The following ABCA9 variants were observed in gnomAD, a reference collection of about 807,000 sequenced individuals.
ABCA9 encodes ATP binding cassette subfamily A member 9.
Under a neutral mutation model 205.3 loss-of-function variants are expected in ABCA9, and 183 were observed. The ratio of observed to expected loss-of-function variants is 0.89; its 90% confidence interval spans 0.79 to 1.01. ABCA9 has a LOEUF of 1.01. Among genes scored for constraint, ABCA9 ranks in the 50% least tolerant of loss-of-function variants. The probability of loss-of-function intolerance (pLI) is 0.00; values close to 1 mark genes in which losing one functional copy is unlikely to be tolerated. For synonymous variants in ABCA9, 651 were observed against 683.3 expected (o/e 0.95, Z 0.74); for missense variants, 1,805 against 1,912.4 (o/e 0.94, Z 1.05).
At chr17:69,074,958 G>T in the ABCA9 span, among the ~76,000 whole-genome samples, 2 of 152,054 alleles carry the variant, frequency 1.3e-5, no homozygotes, top group African/African-American at 4.8e-5. Context: ...GTATAATAAG[G>T]TATCTCATTG....
chr17:69,078,294 G>A, the ABCA9 span, among the ~76,000 whole-genome samples: 3 of 149,430 alleles, frequency 2.0e-5, no homozygotes, highest in East Asian at 2.0e-4. Context: ...TCTGCCTCCC[G>A]GGTTCAAGCA....
chr17:69,011,211 A>C (rs1181269422), intron 23 of ABCA9, among the ~76,000 whole-genome samples: 3 of 152,218 alleles, frequency 2.0e-5, no homozygotes, highest in Admixed American at 6.5e-5. Context: ...AGAGTGATTA[A>C]GTAACTTTTG....
chr17:69,010,026 A>C (rs773659946), intron 23 of ABCA9, among the ~76,000 whole-genome samples: 13 of 152,188 alleles, frequency 8.5e-5, no homozygotes, highest in Non-Finnish European at 1.6e-4. Flanking sequence ...GCATCCTAAC[A>C]AAAATAGCTC....
intron 3 of ABCA9, among the ~76,000 whole-genome samples, 196 bp from the exon 4 acceptor site, chr17:69,045,532 G>A (rs2071682168): frequency 6.6e-6 from 1 of 151,606 alleles, no homozygotes; most frequent in East Asian, 1.9e-4. Flanking sequence ...GCAAACATTT[G>A]TATTGCAAAT....
intron 22 of ABCA9, among the ~76,000 whole-genome samples, chr17:69,012,516 TAAAAA>T (rs780704737): frequency 2.7e-5 from 4 of 147,768 alleles, no homozygotes; most frequent in South Asian, 4.3e-4. Flanking sequence ...GGCACTATGT[TAAAAA>T]AAAAAATCAA....
intron 25 of ABCA9, among the ~76,000 whole-genome samples, chr17:69,004,197 AT>A (rs2070013795): frequency 6.6e-6 from 1 of 152,086 alleles, no homozygotes; most frequent in Non-Finnish European, 1.5e-5. Context: ...AGGCGCTCTG[AT>A]TTTTAGAGTT....
In ABCA9 at chr17:69,018,573, C is replaced by A; in HGVS notation, c.2607G>T (p.Leu869Phe). The A allele has an allele frequency of 1.3e-6, 2 of 1,585,654 alleles. No homozygotes were observed. The highest frequency in any genetic ancestry group is 1.7e-6 in the Non-Finnish European group (2 of 1,170,054). ...KERKSLWTIL[L>F]LFGISFIPQL... ...GAGGGATAAAGCTAATACCAAAAAGCAATAATCTATGCAGAGGAAAATGTA... is the reference window on the plus strand; with the variant it reads ...GAGGGATAAAGCTAATACCAAAAAGAAATAATCTATGCAGAGGAAAATGTA... Residue 869 changes from leucine to phenylalanine, a missense_variant, in exon 20 of 39, where the codon TTG (leucine) becomes TTT (phenylalanine). Transcript: ENST00000340001.
chr17:68,985,557 G>T (rs2069204165), intron 32 of ABCA9, among the ~76,000 whole-genome samples: 1 of 152,202 alleles, frequency 6.6e-6, no homozygotes, highest in Non-Finnish European at 1.5e-5. Context: ...GGGAGGTGGA[G>T]GTTGCAGTGA....
At chr17:68,983,682 G>A (rs769463499) in intron 36 of ABCA9, 27 bp downstream of exon 36, 4 of 1,611,250 alleles carry the variant, frequency 2.5e-6, no homozygotes, top group Non-Finnish European at 3.4e-6. Flanking sequence ...ACCAAGGACT[G>A]TGATAAAACA....
At chr17:68,986,453 T>A in intron 31 of ABCA9, 129 bp from the exon 32 acceptor site, 4 of 887,328 alleles carry the variant, frequency 4.5e-6, no homozygotes, top group Non-Finnish European at 6.3e-6. Context: ...TGCAAATCAG[T>A]AATCACTTAA....
At chr17:68,987,356 CAT>C (rs928004329) in intron 31 of ABCA9, among the ~76,000 whole-genome samples, 1 of 152,124 alleles carries the variant, frequency 6.6e-6, no homozygotes, top group African/African-American at 2.4e-5. Flanking sequence ...GAGAAAGAAA[CAT>C]AAAATATAAG....
At position 69,058,997 on chromosome 17, in the gene ABCA9, T is replaced by C. The variant is rs1046403461; in HGVS notation, c.-14+1869A>G. On this transcript the variant is annotated intron_variant, in intron 1 of 38. Coordinates refer to ENST00000340001, the MANE Select transcript of ABCA9 (RefSeq NM_080283.4). ...ATGGTGCCAGGCAAGAGAGCTTGGG[T>C]AGGGGAATTCCCCTTTATAAAACCA... is the stretch of plus-strand genomic sequence containing the variant. Among the ~76,000 whole-genome samples the C allele has an allele frequency of 2.0e-5, 3 of 151,990 alleles. 1 individual carries two copies. The highest frequency in any genetic ancestry group is 2.9e-5 in the Non-Finnish European group (2 of 67,972).
At chr17:69,015,041 C>T (rs936431164) in intron 22 of ABCA9, among the ~76,000 whole-genome samples, 4 of 152,128 alleles carry the variant, frequency 2.6e-5, no homozygotes, top group African/African-American at 4.8e-5. Flanking sequence ...GCACCAGTTC[C>T]ATAGGAAGAG....
chr17:69,064,843 C>T (rs554414428), upstream of ABCA9, among the ~76,000 whole-genome samples: 13 of 152,216 alleles, frequency 8.5e-5, no homozygotes, highest in Admixed American at 7.2e-4. Flanking sequence ...TTTTAATATA[C>T]TTTTTGGCCA....
chr17:69,043,283 G>A, intron 6 of ABCA9: 1 of 497,078 alleles, frequency 2.0e-6, no homozygotes, highest in Non-Finnish European at 3.5e-6. Flanking sequence ...GTGGTAATGT[G>A]AGCAATAGGG....
the ABCA9 span, among the ~76,000 whole-genome samples, chr17:69,072,097 G>A: frequency 1.3e-5 from 2 of 152,188 alleles, no homozygotes; most frequent in African/African-American, 4.8e-5. Flanking sequence ...GGGACTATGT[G>A]AAAAGACCAA....
In ABCA9 at chr17:68,995,890, C is replaced by T. The variant is rs777025680; in HGVS notation, c.3555+5G>A. 4 of 1,613,426 alleles carry T rather than the reference C, an allele frequency of 2.5e-6. No individual in the cohort carries two copies. The highest frequency in any genetic ancestry group is 1.7e-5 in the Admixed American group (1 of 59,986). ...TGACCCTCAGACAGAAGTGGAACTA[C>T]TTACCTCAGAAAAAATGAATAGAGA... On this transcript the variant is annotated splice_donor_5th_base_variant and intron_variant, in intron 26 of 38. Coordinates refer to ENST00000340001, the MANE Select transcript of ABCA9 (RefSeq NM_080283.4).
At chr17:69,010,288 G>A (rs1437356578) in intron 23 of ABCA9, among the ~76,000 whole-genome samples, 1 of 152,026 alleles carries the variant, frequency 6.6e-6, no homozygotes. Context: ...AAGCAGAGAA[G>A]GGGTCTTGGC....
At chr17:69,048,284 C>T (rs2071785210) in intron 3 of ABCA9, among the ~76,000 whole-genome samples, 1 of 152,182 alleles carries the variant, frequency 6.6e-6, no homozygotes, top group Admixed American at 6.5e-5. Flanking sequence ...ACTTATGCAT[C>T]ATGTCAGGCT....
Sources: gnomAD v4.1 joint callset for allele counts (sites outside exome capture counted in the v4.1 genomes callset) on GRCh38, gnomAD v4.1.1 for gene constraint, MANE v1.5 for transcripts, NCBI Gene and HGNC (gene_info 2026-07-23, HGNC 2026-07-21) for gene names.